ENTREP2: variants seen among roughly 807,000 people sequenced by gnomAD.
ENTREP2 encodes the protein protein ENTREP2.
chr15:29,134,990 C>G, the ENTREP2 span, among the ~76,000 whole-genome samples: 1 of 152,084 alleles, frequency 6.6e-6, no homozygotes, highest in South Asian at 2.1e-4. Flanking sequence ...GATAACCATC[C>G]GGGGCTCCAC....
the ENTREP2 span, chr15:29,123,745 C>T: frequency 3.7e-6 from 5 of 1,333,490 alleles, no homozygotes; most frequent in Non-Finnish European, 5.0e-6. Flanking sequence ...GGAGGAGCCT[C>T]CTGCTGGGGT....
chr15:29,414,394 T>C, the ENTREP2 span, among the ~76,000 whole-genome samples: 1 of 152,188 alleles, frequency 6.6e-6, no homozygotes, highest in Non-Finnish European at 1.5e-5. Context: ...TGCTCCTGAA[T>C]GACTACTGGG....
At chr15:29,439,929 A>T in the ENTREP2 span, among the ~76,000 whole-genome samples, 1 of 152,148 alleles carries the variant, frequency 6.6e-6, no homozygotes, top group African/African-American at 2.4e-5. Context: ...TGACATCATG[A>T]TATGATGTGA....
At chr15:29,527,404 T>TGA in the ENTREP2 span, among the ~76,000 whole-genome samples, 2 of 152,182 alleles carry the variant, frequency 1.3e-5, no homozygotes, top group Non-Finnish European at 2.9e-5. Flanking sequence ...GATCAGCTGA[T>TGA]GAGTCTTTAG....
At chr15:29,491,976 G>T in the ENTREP2 span, among the ~76,000 whole-genome samples, 1 of 152,054 alleles carries the variant, frequency 6.6e-6, no homozygotes, top group Non-Finnish European at 1.5e-5. Context: ...CACTCAGGAT[G>T]TCAAACTTAA....
At chr15:29,302,524 G>A in the ENTREP2 span, among the ~76,000 whole-genome samples, 890 of 152,246 alleles carry the variant, frequency 5.8e-3, 8 homozygotes, top group South Asian at 8.7e-3. Context: ...AACAGCGAGA[G>A]TACTTTATAT....
At chr15:29,644,136 C>T in the ENTREP2 span, among the ~76,000 whole-genome samples, 4 of 152,118 alleles carry the variant, frequency 2.6e-5, no homozygotes, top group African/African-American at 7.2e-5. Flanking sequence ...CATGCTTCAG[C>T]AGGAATGAAC....
chr15:29,406,174 C>A, the ENTREP2 span, among the ~76,000 whole-genome samples: 2 of 152,294 alleles, frequency 1.3e-5, no homozygotes, highest in African/African-American at 4.8e-5. Context: ...AATGGGACTC[C>A]ATTGTATAAA....
At chr15:29,482,164 A>ATTTTTTTTT in the ENTREP2 span, among the ~76,000 whole-genome samples, 3 of 135,258 alleles carry the variant, frequency 2.2e-5, no homozygotes, top group African/African-American at 2.8e-5. Context: ...CAGGCAGCTA[A>ATTTTTTTTT]TTTTTTTTTT....
At chr15:29,258,370 C>T in the ENTREP2 span, among the ~76,000 whole-genome samples, 1 of 152,018 alleles carries the variant, frequency 6.6e-6, no homozygotes, top group African/African-American at 2.4e-5. Context: ...TTGCTGAAAA[C>T]ATCACGAAAG....
the ENTREP2 span, among the ~76,000 whole-genome samples, chr15:29,262,313 C>A: frequency 6.6e-6 from 1 of 152,232 alleles, no homozygotes; most frequent in South Asian, 2.1e-4. Flanking sequence ...CCCAGTCAGG[C>A]CTCTGATTGT....
the ENTREP2 span, among the ~76,000 whole-genome samples, chr15:29,297,870 CT>C: frequency 6.6e-6 from 1 of 152,144 alleles, no homozygotes; most frequent in African/African-American, 2.4e-5. Flanking sequence ...GACAAAAAGA[CT>C]TTAAAAAAAT....
At chr15:29,315,324 A>G in the ENTREP2 span, among the ~76,000 whole-genome samples, 1 of 152,216 alleles carries the variant, frequency 6.6e-6, no homozygotes, top group Non-Finnish European at 1.5e-5. Flanking sequence ...GCCCTTCCAG[A>G]TATTAAAATG....
At chr15:29,153,139 T>C in the ENTREP2 span, among the ~76,000 whole-genome samples, 3 of 132,286 alleles carry the variant, frequency 2.3e-5, no homozygotes, top group African/African-American at 9.5e-5. Context: ...TTGATTGTAA[T>C]GTTTACTTTT....
the ENTREP2 span, among the ~76,000 whole-genome samples, chr15:29,405,342 T>C: frequency 2.0e-5 from 3 of 151,306 alleles, no homozygotes; most frequent in South Asian, 2.1e-4. Context: ...TGAGCCAAGA[T>C]TGCACCATTG....
the ENTREP2 span, among the ~76,000 whole-genome samples, chr15:29,300,412 T>C: frequency 6.7e-6 from 1 of 149,306 alleles, no homozygotes; most frequent in Non-Finnish European, 1.5e-5. Flanking sequence ...GATGGATGGA[T>C]GGATGGATGG....
chr15:29,568,500 C>T, the ENTREP2 span, among the ~76,000 whole-genome samples: 1 of 151,940 alleles, frequency 6.6e-6, no homozygotes, highest in Non-Finnish European at 1.5e-5. Context: ...GAGTTTGAAT[C>T]CAGCCTGGGC....
the ENTREP2 span, among the ~76,000 whole-genome samples, chr15:29,588,559 AG>A: frequency 1.1e-4 from 10 of 94,780 alleles, no homozygotes; most frequent in Admixed American, 1.2e-3. Context: ...AGAGAGAGAG[AG>A]AGAGAGAAGG....
chr15:29,563,835 T>G, the ENTREP2 span, among the ~76,000 whole-genome samples: 81 of 72,786 alleles, frequency 1.1e-3, no homozygotes, highest in Non-Finnish European at 2.2e-3. Flanking sequence ...AGACTCTGCC[T>G]CAAAAATAAA....
Sources: gnomAD v4.1 joint callset for allele counts (sites outside exome capture counted in the v4.1 genomes callset) on GRCh38, gnomAD v4.1.1 for gene constraint, MANE v1.5 for transcripts, NCBI Gene and HGNC (gene_info 2026-07-23, HGNC 2026-07-21) for gene names.